Variants in HMGB1 observed in about 807,000 individuals in gnomAD.
HMGB1 encodes the protein high mobility group box 1.
For synonymous variants in HMGB1, 81 were observed against 84.0 expected, an observed-to-expected ratio of 0.96 and a Z score of 0.19; for missense variants, 79 against 253.5, an observed-to-expected ratio of 0.31 and a Z score of 4.67.
At chr13:30,610,738 CA>C (rs71192663) in intron 1 of HMGB1, among the ~76,000 whole-genome samples, 60,665 of 143,714 alleles carry the variant, frequency 0.42, 12,597 homozygotes, top group Middle Eastern at 0.65. Flanking sequence ...TACACTAAAA[CA>C]AAAAAAAAAA....
chr13:30,470,948 CTTAT>C lies in HMGB1; in HGVS notation c.-14-7258_-14-7255del, dbSNP rs61370575. On this transcript the variant is annotated intron_variant, in intron 1 of 4. Transcript: ENST00000405805. ...ACAGGTGTGAGCCACCATGCCCAGA[CTTAT>C]TTATTTATTTATTTATTTATATTTA... Among the ~76,000 whole-genome samples the C allele has an allele frequency of 2.2e-3, 335 of 151,070 alleles. 1 individual carries two copies. Among genetic ancestry groups the C allele is most frequent in the Non-Finnish European group, 4.1e-3 (276 of 67,788 alleles).
chr13:30,528,709 A>T (rs1888426068), intron 1 of HMGB1, among the ~76,000 whole-genome samples: 1 of 152,080 alleles, frequency 6.6e-6, no homozygotes, highest in East Asian at 1.9e-4. Context: ...ATCAGGGGAA[A>T]CATCCTCAAC....
intron 1 of HMGB1, among the ~76,000 whole-genome samples, chr13:30,571,933 T>G (rs1476001375): frequency 6.6e-6 from 1 of 152,252 alleles, no homozygotes. Context: ...TTAGTAAATT[T>G]GGTGTATGAT....
intron 1 of HMGB1, among the ~76,000 whole-genome samples, chr13:30,537,451 C>T (rs959826667): frequency 1.3e-5 from 2 of 151,828 alleles, no homozygotes; most frequent in Non-Finnish European, 2.9e-5. Flanking sequence ...ACTACCTGCT[C>T]CTCGTGAGAA....
intron 1 of HMGB1, among the ~76,000 whole-genome samples, chr13:30,483,617 CTTTT>C (rs61395953): frequency 2.9e-5 from 4 of 135,882 alleles, no homozygotes; most frequent in African/African-American, 1.1e-4. Flanking sequence ...GTGCAAATTT[CTTTT>C]TTTTTTTTTT....
At chr13:30,472,325 G>C (rs1433389872) in intron 1 of HMGB1, among the ~76,000 whole-genome samples, 1 of 152,110 alleles carries the variant, frequency 6.6e-6, no homozygotes. Flanking sequence ...GCAAGGCCAG[G>C]CACAGTGGCT....
chr13:30,548,768 A>G (rs1157569089), intron 1 of HMGB1, among the ~76,000 whole-genome samples: 1 of 152,196 alleles, frequency 6.6e-6, no homozygotes, highest in African/African-American at 2.4e-5. Flanking sequence ...CCATGGTATC[A>G]GGTGCCTGCA....
At chr13:30,514,386 A>G (rs1215362684) in intron 1 of HMGB1, among the ~76,000 whole-genome samples, 1 of 139,948 alleles carries the variant, frequency 7.1e-6, no homozygotes, top group Non-Finnish European at 1.5e-5. Flanking sequence ...ATAGGGTCTC[A>G]CTATGTTACC....
At chr13:30,612,938 G>A (rs111993596) in intron 1 of HMGB1, among the ~76,000 whole-genome samples, 9 of 152,324 alleles carry the variant, frequency 5.9e-5, no homozygotes, top group African/African-American at 2.2e-4. Flanking sequence ...GACATTCTCA[G>A]ATCTGCTAGA....
intron 1 of HMGB1, among the ~76,000 whole-genome samples, chr13:30,567,967 G>A (rs890470333): frequency 3.9e-5 from 6 of 152,144 alleles, no homozygotes; most frequent in Non-Finnish European, 8.8e-5. Flanking sequence ...CTCGTCCATT[G>A]GGCAGTTGAT....
chr13:30,531,356 TA>T (rs887252583), intron 1 of HMGB1, among the ~76,000 whole-genome samples: 1 of 151,758 alleles, frequency 6.6e-6, no homozygotes, highest in African/African-American at 2.4e-5. Flanking sequence ...CTATCAAGAA[TA>T]AAAAAAGAGG....
intron 1 of HMGB1, chr13:30,543,120 T>G (rs1245931364): frequency 1.2e-4 from 1 of 8,556 alleles, no homozygotes; most frequent in South Asian, 4.2e-3. Flanking sequence ...GTTCCAGGTT[T>G]TTTTTTTTTT....
intron 1 of HMGB1, among the ~76,000 whole-genome samples, chr13:30,519,541 A>C (rs1888188301): frequency 6.8e-6 from 1 of 147,840 alleles, no homozygotes; most frequent in Admixed American, 6.8e-5. Flanking sequence ...TAAAAATACA[A>C]AAAAAAAAAT....
intron 1 of HMGB1, among the ~76,000 whole-genome samples, chr13:30,465,400 GAGCCGCGCCGGCCCCGCCGCC>G (rs1415652065): frequency 1.4e-5 from 2 of 139,836 alleles, no homozygotes; most frequent in African/African-American, 2.6e-5. Flanking sequence ...CGCCGCCGCC[GAGCCGCGCCGGCCCCGCCGCC>G]CCGGCCGCGC....
At chr13:30,539,795 A>T (rs1354554808) in intron 1 of HMGB1, 1 of 153,766 alleles carries the variant, frequency 6.5e-6, no homozygotes, top group Non-Finnish European at 1.5e-5. Context: ...CTGCTGCAAC[A>T]GGAGGAAGAG....
At chr13:30,495,636 G>A (rs952831543) in intron 1 of HMGB1, among the ~76,000 whole-genome samples, 2 of 151,970 alleles carry the variant, frequency 1.3e-5, no homozygotes, top group Non-Finnish European at 2.9e-5. Flanking sequence ...GTGCCGCCAC[G>A]CCTGGCTAAT....
At chr13:30,585,583 G>T (rs1593327905) in intron 1 of HMGB1, among the ~76,000 whole-genome samples, 1 of 151,810 alleles carries the variant, frequency 6.6e-6, no homozygotes, top group Non-Finnish European at 1.5e-5. Context: ...GAGGCTGAGG[G>T]GGGAGAATCG....
chr13:30,465,923 C>G lies in HMGB1; in HGVS notation c.-142G>C, dbSNP rs910224568. The G allele has an allele frequency of 4.2e-5, 41 of 985,926 alleles. No individual in the cohort carries two copies. The highest frequency in any genetic ancestry group is 2.5e-4 in the Admixed American group (4 of 16,270). 61.1% of individuals were successfully genotyped at this position (985,926 alleles called of 1,614,324 possible). ...CCAGACGCAGCCTCCTCACTCTCTC[C>G]GCTCTGTAACATTACTCTCCAGCCA... On this transcript the variant is annotated 5_prime_UTR_variant, in exon 1 of 5. Coordinates refer to ENST00000341423, the MANE Select transcript of HMGB1 (RefSeq NM_002128.7).
At chr13:30,532,233 G>A (rs1888511456) in intron 1 of HMGB1, among the ~76,000 whole-genome samples, 1 of 151,450 alleles carries the variant, frequency 6.6e-6, no homozygotes, top group Non-Finnish European at 1.5e-5. Flanking sequence ...TACTCAGGAG[G>A]CTGAGGCAGG....
Sources: allele counts gnomAD v4.1 joint callset (sites outside exome capture counted in the v4.1 genomes callset), GRCh38; gene constraint gnomAD v4.1.1; transcripts MANE v1.5; gene names NCBI Gene and HGNC (gene_info 2026-07-23, HGNC 2026-07-21).